Variants in LAS1L observed in about 807,000 individuals in gnomAD.
The protein encoded by LAS1L is LAS1 like ribosome biogenesis factor.
A neutral mutation model predicts 57.3 loss-of-function variants in LAS1L; 5 were observed. That is an observed-to-expected ratio of 0.09 (90% CI 0.05 to 0.18). The LOEUF is 0.18. Among genes scored for constraint, LAS1L ranks in the 10% least tolerant of loss-of-function variants. The pLI is 1.00. For missense variants in LAS1L, 360 were observed against 568.3 expected (o/e 0.63, Z 3.73); for synonymous variants, 245 against 231.7 (o/e 1.06, Z -0.52).
At chrX:65,517,774 G>C (rs1031304629) in intron 12 of LAS1L, among the ~76,000 whole-genome samples, 1 of 112,664 alleles carries the variant, frequency 8.9e-6, no homozygotes, top group African/African-American at 3.2e-5. Context: ...TCTTATGTGA[G>C]GTAGCCAGCA....
At chrX:65,515,152 C>T (rs1294505485) in intron 12 of LAS1L, among the ~76,000 whole-genome samples, 179 bp from the exon 13 acceptor site, 1 of 111,773 alleles carries the variant, frequency 8.9e-6, no homozygotes, top group Non-Finnish European at 1.9e-5. Context: ...CAGAGTGCTT[C>T]ACCACACATT....
intron 2 of LAS1L, 134 bp downstream of exon 2, chrX:65,533,476 C>T: frequency 3.7e-6 from 2 of 543,344 alleles, no homozygotes; most frequent in East Asian, 3.4e-5. Context: ...GCAATAATCA[C>T]AGGCTGATCC....
At chrX:65,527,534 C>T (rs2069227154) in intron 7 of LAS1L, among the ~76,000 whole-genome samples, 1 of 108,334 alleles carries the variant, frequency 9.2e-6, no homozygotes, top group Admixed American at 1.0e-4. Context: ...AAGACCCTAT[C>T]GTAAAAAAAG....
intron 13 of LAS1L, among the ~76,000 whole-genome samples, chrX:65,514,104 G>A (rs984855803): frequency 8.9e-6 from 1 of 112,147 alleles, no homozygotes; most frequent in Non-Finnish European, 1.9e-5. Flanking sequence ...TCAGGGGCCC[G>A]CAGGGGTTCC....
rs762727271 is a variant in LAS1L, at chrX:65,529,656, C to G, written c.737G>C (p.Ser246Thr). The change falls in exon 5 of 14, where the codon AGC (serine) becomes ACC (threonine). Residue 246 changes from serine to threonine, a missense_variant. Coordinates refer to ENST00000374811, the MANE Select transcript of LAS1L (RefSeq NM_031206.7). ...AGAATCCACCTCTTCGCTGCCTTTG[C>G]TGTCTCCATCGGCCTTTACATCTGA... is the stretch of plus-strand genomic sequence containing the variant. ...TESDVKADGD[S>T]KGSEEVDSHC... 4 of 1,211,769 alleles carry G rather than the reference C, an allele frequency of 3.3e-6. No homozygotes were observed. The highest frequency in any genetic ancestry group is 4.5e-6 in the Non-Finnish European group (4 of 895,480).
rs2148323403 is a variant in LAS1L, at chrX:65,532,583, G to C, written c.410C>G (p.Pro137Arg). The change falls in exon 3 of 14, where the codon CCC becomes CGC. Residue 137 changes from proline to arginine, a missense_variant. Physicochemically the swap from Pro to Arg is moderately radical, Grantham distance 103. Around this residue, in one of 7 missense-constraint regions of LAS1L, gnomAD observed 43 missense variants for 78.0 expected, o/e 0.55. Transcript: ENST00000374811. ...SERKTKFAKV[P>R]LKCLAQEVNI... is the part of the protein sequence containing the mutation. Reference sequence around the variant, plus strand: ...CACCTCTTGAGCCAGACACTTGAGGGGGACCTTGGCAAACTTTGTCTTCCT... The same window carrying C: ...CACCTCTTGAGCCAGACACTTGAGGCGGACCTTGGCAAACTTTGTCTTCCT... The C allele has an allele frequency of 8.3e-7, 1 of 1,208,141 alleles. No individual in the cohort carries two copies. The highest frequency in any genetic ancestry group is 1.1e-6 in the Non-Finnish European group (1 of 892,895).
chrX:65,521,428 G>A, intron 11 of LAS1L: 1 of 216,102 alleles, frequency 4.6e-6, no homozygotes, highest in Non-Finnish European at 6.8e-6. Flanking sequence ...GTCTGATAGA[G>A]GGAAGGAGAC....
intron 11 of LAS1L, chrX:65,520,773 G>T (rs1250518335): frequency 1.3e-6 from 1 of 752,320 alleles, no homozygotes; most frequent in Non-Finnish European, 1.6e-6. Context: ...GAAGATCTCT[G>T]TGGTCCAGAC....
rs1176220088 is a variant in LAS1L at position 65,523,722 on chromosome X, A to AG, written c.1301-16dup. 8.6e-7 allele frequency: 1 copy of AG among 1,162,110 alleles called. No homozygotes were observed. Among genetic ancestry groups the AG allele is most frequent in the Non-Finnish European group, 1.2e-6 (1 of 869,526 alleles). On this transcript the variant is annotated splice_polypyrimidine_tract_variant and intron_variant, in intron 10 of 13. Transcript: ENST00000374811. ...AGCATTCCGTCCTGAGAGAGAAGAGAGGATCTAAGGAGAAGGAAGCAGTGA... is the reference window on the plus strand; with the variant it reads ...AGCATTCCGTCCTGAGAGAGAAGAGAGGGATCTAAGGAGAAGGAAGCAGTGA...
intron 6 of LAS1L, among the ~76,000 whole-genome samples, chrX:65,528,628 G>A (rs2069302774): frequency 8.9e-6 from 1 of 112,864 alleles, no homozygotes. Context: ...GATGTTCAAT[G>A]GGGGAATTTG....
At chrX:65,524,499 G>A (rs1456538433) in intron 9 of LAS1L, 65 bp downstream of exon 9, 1 of 510,680 alleles carries the variant, frequency 2.0e-6, no homozygotes, top group Non-Finnish European at 3.6e-6. Context: ...ACCAACAACT[G>A]ACTCAAAATA....
At position 65,531,412 on chromosome X, in the gene LAS1L, G is replaced by A. The variant is rs1438462022; in HGVS notation, c.459C>T (p.Asp153=). The change falls in exon 4 of 14, where the codon GAC becomes GAT. Residue 153 remains aspartate, a synonymous_variant. Coordinates refer to ENST00000374811, the MANE Select transcript of LAS1L (RefSeq NM_031206.7). ...QEVNIPDWIV[D]LRHELTHKKM... ...TCTTGTGGGTCAACTCATGGCGAAG[G>A]TCAACAATCCAATCCGGAATATTTA... 8.3e-7 allele frequency: 1 copy of A among 1,205,787 alleles called. No homozygotes were observed. Among genetic ancestry groups the A allele is most frequent in the African/African-American group, 1.8e-5 (1 of 57,012 alleles).
At chrX:65,516,328 C>T (rs963903108) in intron 12 of LAS1L, among the ~76,000 whole-genome samples, 10 of 111,225 alleles carry the variant, frequency 9.0e-5, no homozygotes, top group African/African-American at 2.6e-4. Flanking sequence ...GTCACTGACC[C>T]GATCATCTCT....
intron 11 of LAS1L, chrX:65,518,946 C>A: frequency 2.4e-5 from 18 of 753,420 alleles, no homozygotes; most frequent in Non-Finnish European, 2.8e-5. Flanking sequence ...GCTCCTTCTG[C>A]GTGGAACACA....
At chrX:65,516,636 TACAC>T (rs57356313) in intron 12 of LAS1L, among the ~76,000 whole-genome samples, 9,199 of 89,424 alleles carry the variant, frequency 0.1, 550 homozygotes, top group Non-Finnish European at 0.15. Flanking sequence ...CTTTTTCCTA[TACAC>T]ACACACACAC....
Position 65,520,434 on chromosome X carries a change from T to A in LAS1L, c.1449-1969A>T. On this transcript the variant is annotated intron_variant, in intron 11 of 13. Coordinates refer to ENST00000374811, the MANE Select transcript of LAS1L (RefSeq NM_031206.7). ...CACAGCACCATGCCTGACACTTAAT[T>A]TCCAATAGTATCTTTTATTTTTTCT... The A allele has an allele frequency of 4.0e-6, 3 of 753,953 alleles. No individual in the cohort carries two copies. In the South Asian group the frequency reaches 2.0e-4, roughly 51 times the overall value. The allele number at this position is 753,953 out of a possible 1,213,427, so 62.1% of individuals were successfully genotyped here. A position where few individuals can be genotyped will look rare whatever the true frequency, so the allele number is the denominator to read the frequency against.
At position 65,532,693 on chromosome X, in the gene LAS1L, T is replaced by C. The variant is rs1602658423; in HGVS notation, c.363-63A>G. 3.7e-6 allele frequency: 3 copies of C among 801,281 alleles called. No homozygotes were observed. In the East Asian group the frequency reaches 9.5e-5, roughly 25 times the overall value. The allele number at this position is 801,281 out of a possible 1,213,427, so 66.0% of individuals were successfully genotyped here. On this transcript the variant is annotated intron_variant, in intron 2 of 13. Transcript: ENST00000374811. ...AACCATTTTATTCCAAACACTTTGCTGAGTTACTGAAACCCTGCATTTCCA... is the reference window on the plus strand; with the variant it reads ...AACCATTTTATTCCAAACACTTTGCCGAGTTACTGAAACCCTGCATTTCCA...
intron 11 of LAS1L, chrX:65,522,806 G>A (rs1368174169): frequency 8.9e-6 from 1 of 112,211 alleles, no homozygotes; most frequent in African/African-American, 3.3e-5. Context: ...ATGGAAATGG[G>A]TTGCTGAGTG....
chrX:65,521,380 G>A lies in LAS1L; in HGVS notation c.1448+2180C>T, dbSNP rs1186244258. The A allele has an allele frequency of 1.1e-5, 6 of 525,063 alleles. No individual in the cohort carries two copies. In the East Asian group the frequency reaches 8.8e-4, roughly 77 times the overall value. The allele number at this position is 525,063 out of a possible 1,213,427, so 43.3% of individuals were successfully genotyped here. ...AGACTTGTGTGGTGTGCTAGGGCAC[G>A]GACAGCTGATGTAGAGTCCTTGCCC... On this transcript the variant is annotated intron_variant, in intron 11 of 13. Coordinates refer to ENST00000374811, the MANE Select transcript of LAS1L (RefSeq NM_031206.7).
Sources: gnomAD v4.1 joint callset for allele counts (sites outside exome capture counted in the v4.1 genomes callset) on GRCh38, gnomAD v4.1.1 for gene constraint, gnomAD v4.1.1 regional missense constraint, MANE v1.5 for transcripts, NCBI Gene and HGNC (gene_info 2026-07-23, HGNC 2026-07-21) for gene names.